The following KLF8 variants were observed in gnomAD, a reference collection of about 807,000 sequenced individuals.
KLF8 encodes Krueppel-like factor 8.
Under a neutral mutation model 18.2 loss-of-function variants are expected in KLF8, and 10 were observed. The observed-to-expected ratio is 0.55, with a 90% confidence interval of 0.34 to 0.93. The LOEUF (loss-of-function observed/expected upper bound fraction) is 0.93. Among genes scored for constraint, KLF8 ranks in the 40% least tolerant of loss-of-function variants. KLF8 has a pLI of 0.02. For synonymous variants in KLF8, 109 were observed against 97.3 expected (o/e 1.12, Z -0.71); for missense variants, 264 against 277.9 (o/e 0.95, Z 0.36).
the KLF8 span, among the ~76,000 whole-genome samples, chrX:56,179,285 C>G: frequency 1.8e-5 from 2 of 111,642 alleles, no homozygotes; most frequent in South Asian, 7.5e-4. Flanking sequence ...TGATTTAGCT[C>G]TCTGTTTGTC....
At chrX:56,222,130 G>C in the KLF8 span, among the ~76,000 whole-genome samples, 1 of 111,476 alleles carries the variant, frequency 9.0e-6, no homozygotes, top group Non-Finnish European at 1.9e-5. Flanking sequence ...CCTTGAGCTA[G>C]ATACAGAGTG....
intron 1 of KLF8, among the ~76,000 whole-genome samples, chrX:56,248,495 T>C (rs2066657632): frequency 8.9e-6 from 1 of 111,967 alleles, no homozygotes; most frequent in African/African-American, 3.3e-5. Flanking sequence ...ATCACTCTGC[T>C]TCCTCAACTC....
chrX:55,974,997 A>G, the KLF8 span, among the ~76,000 whole-genome samples: 1 of 112,158 alleles, frequency 8.9e-6, no homozygotes, highest in Non-Finnish European at 1.9e-5. Flanking sequence ...AGGTTTAAAA[A>G]TTATATTTGT....
the KLF8 span, among the ~76,000 whole-genome samples, chrX:55,966,654 T>C: frequency 1.8e-5 from 2 of 111,891 alleles, no homozygotes; most frequent in African/African-American, 6.5e-5. Flanking sequence ...CCAAGAGGTA[T>C]TGGTACAAAG....
At chrX:55,918,022 G>A in the KLF8 span, among the ~76,000 whole-genome samples, 130 of 111,615 alleles carry the variant, frequency 1.2e-3, 3 homozygotes, top group South Asian at 0.036. Flanking sequence ...CTCAAATGTC[G>A]CAACTCTCTT....
the KLF8 span, among the ~76,000 whole-genome samples, chrX:55,932,351 A>T: frequency 9.0e-6 from 1 of 110,528 alleles, no homozygotes; most frequent in Non-Finnish European, 1.9e-5. Flanking sequence ...TTTTATTGGG[A>T]CATTTAGTCC....
At chrX:56,262,777 C>T in intron 2 of KLF8, among the ~76,000 whole-genome samples, 1 of 110,510 alleles carries the variant, frequency 9.0e-6, no homozygotes, top group East Asian at 2.8e-4. Context: ...TGCATGCTAC[C>T]ATACCTGGCT....
At chrX:56,177,895 C>T in the KLF8 span, among the ~76,000 whole-genome samples, 1 of 111,722 alleles carries the variant, frequency 9.0e-6, no homozygotes, top group Non-Finnish European at 1.9e-5. Flanking sequence ...TAGGTCCCTC[C>T]AAGCCAGGTG....
the KLF8 span, among the ~76,000 whole-genome samples, chrX:56,172,451 C>T: frequency 9.0e-6 from 1 of 111,651 alleles, no homozygotes; most frequent in Non-Finnish European, 1.9e-5. Flanking sequence ...TTTTTTATGG[C>T]TGCATAGTAT....
At chrX:56,030,630 G>C in the KLF8 span, among the ~76,000 whole-genome samples, 1 of 109,142 alleles carries the variant, frequency 9.2e-6, no homozygotes, top group African/African-American at 3.3e-5. Flanking sequence ...TCCAGTCTTG[G>C]GCTGTAAGCG....
chrX:56,141,441 A>T, the KLF8 span, among the ~76,000 whole-genome samples: 2 of 111,616 alleles, frequency 1.8e-5, no homozygotes, highest in Non-Finnish European at 3.8e-5. Flanking sequence ...GCCAAGTGCA[A>T]TCTAATTTAT....
the KLF8 span, among the ~76,000 whole-genome samples, chrX:56,067,342 T>C: frequency 1.8e-5 from 2 of 108,905 alleles, no homozygotes; most frequent in Admixed American, 1.9e-4. Context: ...ATATCAGATT[T>C]TTGTTATTTT....
the KLF8 span, among the ~76,000 whole-genome samples, chrX:55,928,461 C>G: frequency 9.1e-6 from 1 of 110,432 alleles, no homozygotes; most frequent in Admixed American, 9.7e-5. Context: ...TTTGCTGCAC[C>G]CATCAACCCG....
At chrX:55,976,586 A>ACACACACACACC in the KLF8 span, among the ~76,000 whole-genome samples, 1 of 6,183 alleles carries the variant, frequency 1.6e-4, no homozygotes, top group Non-Finnish European at 4.2e-4. Flanking sequence ...ACACACACAC[A>ACACACACACACC]CACCCCATGT....
At chrX:55,991,549 G>A in the KLF8 span, among the ~76,000 whole-genome samples, 176 of 111,430 alleles carry the variant, frequency 1.6e-3, no homozygotes, top group Non-Finnish European at 2.5e-3. Context: ...AGATGAAGCC[G>A]GTACCTCAGT....
the KLF8 span, among the ~76,000 whole-genome samples, chrX:56,174,350 T>A: frequency 6.2e-5 from 7 of 112,129 alleles, no homozygotes; most frequent in Admixed American, 1.9e-4. Context: ...TTTATTGAGA[T>A]AATCAGGTGG....
the KLF8 span, among the ~76,000 whole-genome samples, chrX:55,991,539 A>G: frequency 1.8e-5 from 2 of 111,401 alleles, no homozygotes; most frequent in Admixed American, 1.9e-4. Flanking sequence ...CTCCCTAGTG[A>G]GATGAAGCCG....
the KLF8 span, among the ~76,000 whole-genome samples, chrX:56,120,474 G>A: frequency 8.9e-6 from 1 of 112,047 alleles, no homozygotes; most frequent in East Asian, 2.8e-4. Flanking sequence ...CTATTTGTCT[G>A]TGCTCTTGGT....
the KLF8 span, among the ~76,000 whole-genome samples, chrX:55,987,206 T>C: frequency 1.8e-5 from 2 of 110,263 alleles, no homozygotes; most frequent in East Asian, 5.7e-4. Context: ...TTTAATTTTA[T>C]TTTTTTATTA....
Sources: gnomAD v4.1 joint callset for allele counts (sites outside exome capture counted in the v4.1 genomes callset) on GRCh38, gnomAD v4.1.1 for gene constraint, MANE v1.5 for transcripts, NCBI Gene and HGNC (gene_info 2026-07-23, HGNC 2026-07-21) for gene names.